Variants in PALM2AKAP2 observed in about 807,000 individuals in gnomAD.
PALM2AKAP2 encodes PALM2 and AKAP2 fusion, also known as PALM2-AKAP2 fusion protein.
A neutral mutation model predicts 71.5 loss-of-function variants in PALM2AKAP2; 37 were observed. The ratio of observed to expected loss-of-function variants is 0.52; its 90% CI spans 0.40 to 0.68. The LOEUF (loss-of-function observed/expected upper bound fraction) is 0.68, where lower values mean the gene tolerates loss of function less well. PALM2AKAP2 is among the 30% of genes least tolerant of loss of function. PALM2AKAP2 has a pLI of 0.00. For synonymous variants in PALM2AKAP2, 468 were observed against 478.8 expected (o/e 0.98, Z 0.29); for missense variants, 1,224 against 1,191.8 (o/e 1.03, Z -0.40).
intron 1 of PALM2AKAP2, among the ~76,000 whole-genome samples, chr9:110,103,906 G>A (rs1435862068): frequency 6.6e-6 from 1 of 152,118 alleles, no homozygotes; most frequent in East Asian, 1.9e-4. Flanking sequence ...TTTCTTTCTT[G>A]TTCAGACTTC....
At chr9:109,805,753 G>A (rs534270274) in intron 1 of PALM2AKAP2, among the ~76,000 whole-genome samples, 92 of 152,308 alleles carry the variant, frequency 6.0e-4, no homozygotes, top group Non-Finnish European at 1.0e-3. Flanking sequence ...TACGCATTTG[G>A]TAAAGTAGAC....
At chr9:109,866,987 A>G (rs963834476) in intron 1 of PALM2AKAP2, 20 of 455,938 alleles carry the variant, frequency 4.4e-5, no homozygotes, top group Admixed American at 4.0e-4. Context: ...GATTTGTCCT[A>G]CAAAATTTGA....
intron 1 of PALM2AKAP2, among the ~76,000 whole-genome samples, chr9:109,759,431 T>C (rs1457594423): frequency 6.6e-6 from 1 of 152,174 alleles, no homozygotes; most frequent in Admixed American, 6.5e-5. Context: ...AGGTGCAAGA[T>C]AGTGTGAATC....
At chr9:110,001,304 GTCAAAGA>G (rs1396337298) in intron 6 of PALM2AKAP2, among the ~76,000 whole-genome samples, 2 of 152,168 alleles carry the variant, frequency 1.3e-5, no homozygotes, top group African/African-American at 4.8e-5. Context: ...TGTCAGGTTT[GTCAAAGA>G]TCAGTTAGTT....
At chr9:109,786,540 G>C (rs1254977744) in intron 1 of PALM2AKAP2, among the ~76,000 whole-genome samples, 1 of 152,166 alleles carries the variant, frequency 6.6e-6, no homozygotes. Flanking sequence ...TCATTTGCGT[G>C]GTATATTGGT....
intron 3 of PALM2AKAP2, 54 bp downstream of exon 3, chr9:109,880,735 C>A: frequency 6.3e-7 from 1 of 1,598,252 alleles, no homozygotes; most frequent in Non-Finnish European, 8.5e-7. Context: ...GTGCAGTAAC[C>A]ACTGCTCTCC....
rs116929355 is a variant in PALM2AKAP2 at position 110,061,406 on chromosome 9, T to A, written c.156+12551T>A. ...AAGTTTTGTTCAGAAGGGTGTAACT[T>A]AACTTTGAAAAAAACTATACATTTT... On this transcript the variant is annotated intron_variant, in intron 1 of 3. Transcript: ENST00000374525. 5.9e-3 allele frequency among the ~76,000 whole-genome samples: 904 copies of A among 152,182 alleles called. 3 individuals are homozygous for A. Among genetic ancestry groups the A allele is most frequent in the Admixed American group, 0.015 (225 of 15,270 alleles).
At chr9:109,983,345 G>A (rs1832310825) in intron 6 of PALM2AKAP2, among the ~76,000 whole-genome samples, 1 of 151,996 alleles carries the variant, frequency 6.6e-6, no homozygotes, top group South Asian at 2.1e-4. Flanking sequence ...CCATCCCTTT[G>A]CTTTTTCTAT....
chr9:109,846,295 T>C (rs774387669), intron 1 of PALM2AKAP2, among the ~76,000 whole-genome samples: 2 of 152,176 alleles, frequency 1.3e-5, no homozygotes, highest in Non-Finnish European at 2.9e-5. Flanking sequence ...AACAGGGACC[T>C]GCTTCAAGAG....
Position 110,068,517 on chromosome 9 carries a change from T to A in PALM2AKAP2, c.156+19662T>A, listed in dbSNP as rs1222594444. ...TACTGAGGGCAAAATTGGAGCTTTTTTAAAAAAAAAAAAAAATTTAATTTT... is the reference window on the plus strand; with the variant it reads ...TACTGAGGGCAAAATTGGAGCTTTTATAAAAAAAAAAAAAAATTTAATTTT... On this transcript the variant is annotated intron_variant, in intron 1 of 3. Transcript: ENST00000374525. Among the ~76,000 whole-genome samples, 32 of 145,308 alleles carry A rather than the reference T, an allele frequency of 2.2e-4. 1 individual carries two copies. Among genetic ancestry groups the A allele is most frequent in the African/African-American group, 8.3e-4 (31 of 37,378 alleles).
At chr9:110,032,419 G>A (rs996730672) in intron 7 of PALM2AKAP2, among the ~76,000 whole-genome samples, 4 of 152,094 alleles carry the variant, frequency 2.6e-5, no homozygotes, top group African/African-American at 4.8e-5. Flanking sequence ...ACCGCCGGGT[G>A]CGGTGGCTTA....
chr9:109,971,379 C>A (rs748535228), intron 6 of PALM2AKAP2, among the ~76,000 whole-genome samples: 34 of 147,116 alleles, frequency 2.3e-4, no homozygotes, highest in Non-Finnish European at 4.6e-4. Context: ...AAGCCCCAGG[C>A]CATTCAGAGC....
chr9:109,840,654 C>T (rs1371430941), intron 1 of PALM2AKAP2, among the ~76,000 whole-genome samples: 1 of 152,178 alleles, frequency 6.6e-6, no homozygotes, highest in Non-Finnish European at 1.5e-5. Context: ...CTACAAAGAA[C>T]TCAAATAAAT....
intron 7 of PALM2AKAP2, among the ~76,000 whole-genome samples, chr9:110,028,264 G>A (rs1833216518): frequency 6.6e-6 from 1 of 152,208 alleles, no homozygotes; most frequent in Non-Finnish European, 1.5e-5. Flanking sequence ...TAAAATAAAT[G>A]TGAAAGAAAT....
intron 1 of PALM2AKAP2, among the ~76,000 whole-genome samples, chr9:109,730,028 A>C (rs1828531086): frequency 6.6e-6 from 1 of 152,346 alleles, no homozygotes; most frequent in African/African-American, 2.4e-5. Context: ...AAATGTGCTA[A>C]AGTGGTGAGC....
chr9:109,646,606 G>A (rs573071757), intron 1 of PALM2AKAP2, among the ~76,000 whole-genome samples: 1 of 149,582 alleles, frequency 6.7e-6, no homozygotes, highest in Non-Finnish European at 1.5e-5. Flanking sequence ...GGGACATTAA[G>A]TTACAGATAA....
chr9:109,854,324 A>G (rs1352207060), intron 1 of PALM2AKAP2, among the ~76,000 whole-genome samples: 8 of 152,210 alleles, frequency 5.3e-5, no homozygotes, highest in Admixed American at 5.2e-4. Context: ...GAATTAGGAA[A>G]CATATCTATT....
chr9:109,941,268 G>A (rs1490044293), intron 6 of PALM2AKAP2, among the ~76,000 whole-genome samples: 1 of 150,830 alleles, frequency 6.6e-6, no homozygotes, highest in Non-Finnish European at 1.5e-5. Context: ...ACAGTTTGCA[G>A]TCTTCTAGAC....
At chr9:110,024,734 T>A (rs755138518) in intron 7 of PALM2AKAP2, 13 of 590,482 alleles carry the variant, frequency 2.2e-5, no homozygotes, top group Non-Finnish European at 3.9e-5. Context: ...CAGTGAGCTG[T>A]GATTGTGTCA....
Sources: gnomAD v4.1 joint callset for allele counts (sites outside exome capture counted in the v4.1 genomes callset) on GRCh38, gnomAD v4.1.1 for gene constraint, MANE v1.5 for transcripts, NCBI Gene and HGNC (gene_info 2026-07-23, HGNC 2026-07-21) for gene names.